Variants in TMPRSS15 observed in about 807,000 individuals in gnomAD.
TMPRSS15 encodes the protein enteropeptidase.
A neutral mutation model predicts 125.3 loss-of-function variants in TMPRSS15; 128 were observed. The ratio of observed to expected loss-of-function variants is 1.02; its 90% CI spans 0.89 to 1.18. TMPRSS15 has a LOEUF of 1.18. Ranked by LOEUF, TMPRSS15 falls within the 50% of genes most tolerant of loss-of-function variation. The pLI is 0.00. For missense variants in TMPRSS15, 1,283 were observed against 1,212.7 expected (o/e 1.06, Z -0.86); for synonymous variants, 446 against 423.2 (o/e 1.05, Z -0.66).
At chr21:18,361,032 A>G (rs973679829) in intron 7 of TMPRSS15, among the ~76,000 whole-genome samples, 1 of 152,158 alleles carries the variant, frequency 6.6e-6, no homozygotes, top group Non-Finnish European at 1.5e-5. Context: ...TCATTCCTGT[A>G]TTATCTAATA....
chr21:18,279,230 C>T (rs2074660388), intron 22 of TMPRSS15, among the ~76,000 whole-genome samples, 171 bp from the exon 23 acceptor site: 1 of 147,058 alleles, frequency 6.8e-6, no homozygotes, highest in African/African-American at 2.5e-5. Context: ...GGGAAATAGG[C>T]ATTTCAGAGC....
At chr21:18,387,174 G>T (rs2075951062) in intron 3 of TMPRSS15, among the ~76,000 whole-genome samples, 1 of 152,042 alleles carries the variant, frequency 6.6e-6, no homozygotes, top group South Asian at 2.1e-4. Flanking sequence ...TCATAAGAAA[G>T]CTGAAGCTGT....
chr21:18,308,046 G>A (rs7281437), intron 18 of TMPRSS15, among the ~76,000 whole-genome samples: 136,208 of 152,190 alleles, frequency 0.89, 61,021 homozygotes, highest in East Asian at 1. Flanking sequence ...CAAGTCCCCA[G>A]TCTCCTTAGC....
intron 21 of TMPRSS15, among the ~76,000 whole-genome samples, chr21:18,290,111 TG>T (rs2074815881): frequency 6.6e-6 from 1 of 152,186 alleles, no homozygotes; most frequent in African/African-American, 2.4e-5. Flanking sequence ...CAATAGCTTG[TG>T]GATAATAGGA....
chr21:18,423,694 G>GC (rs2076197074), intron 1 of TMPRSS15, among the ~76,000 whole-genome samples: 1 of 150,318 alleles, frequency 6.7e-6, no homozygotes, highest in Non-Finnish European at 1.5e-5. Flanking sequence ...GGGATGACAG[G>GC]CCTGAGCCAC....
chr21:18,276,957 G>T (rs1412040616), intron 23 of TMPRSS15, among the ~76,000 whole-genome samples: 2 of 151,626 alleles, frequency 1.3e-5, no homozygotes, highest in African/African-American at 4.8e-5. Flanking sequence ...GTAGAGACGG[G>T]GTTTCACCAT....
intron 8 of TMPRSS15, among the ~76,000 whole-genome samples, chr21:18,354,247 C>T (rs2075602244): frequency 6.6e-6 from 1 of 151,680 alleles, no homozygotes; most frequent in South Asian, 2.1e-4. Context: ...TTTACTGTGT[C>T]CCACTCACAG....
intron 1 of TMPRSS15, among the ~76,000 whole-genome samples, chr21:18,415,958 G>T (rs996795451): frequency 6.6e-6 from 1 of 151,814 alleles, no homozygotes; most frequent in Non-Finnish European, 1.5e-5. Flanking sequence ...AAATATGCAG[G>T]ATACAAAATC....
chr21:18,278,230 G>A (rs1286328966), intron 23 of TMPRSS15, among the ~76,000 whole-genome samples: 1 of 152,096 alleles, frequency 6.6e-6, no homozygotes, highest in African/African-American at 2.4e-5. Flanking sequence ...GGCTTTTGAT[G>A]AGACTTTATC....
At chr21:18,405,809 T>A (rs1289902101), upstream of TMPRSS15, among the ~76,000 whole-genome samples, 1 of 152,148 alleles carries the variant, frequency 6.6e-6, no homozygotes, top group Non-Finnish European at 1.5e-5. Context: ...TAGAAGAATG[T>A]CTTTCTAATG....
In TMPRSS15 at chr21:18,297,775, T is replaced by C. The variant is rs2074923403; in HGVS notation, c.2220A>G (p.Lys740=). ...IFPTDGGPFV[K]LNTAPDGHLI... Reference sequence around the variant, plus strand: ...AGTGGCCATCAGGTGCTGTGTTTAATTTGACAAATGGTCCACCATCGGTAG... The same window carrying C: ...AGTGGCCATCAGGTGCTGTGTTTAACTTGACAAATGGTCCACCATCGGTAG... Residue 740 remains lysine, a synonymous_variant, in exon 19 of 25, where the codon AAA becomes AAG. Transcript: ENST00000284885. 6.2e-7 allele frequency: 1 copy of C among 1,613,756 alleles called. No homozygotes were observed. Among genetic ancestry groups the C allele is most frequent in the Non-Finnish European group, 8.5e-7 (1 of 1,179,820 alleles).
chr21:18,414,158 A>G (rs1319228200), intron 1 of TMPRSS15, among the ~76,000 whole-genome samples: 3 of 152,082 alleles, frequency 2.0e-5, no homozygotes, highest in Non-Finnish European at 2.9e-5. Context: ...AAATTCTTAC[A>G]ATTTAAGGTG....
chr21:18,454,951 C>T (rs1417642226), intron 1 of TMPRSS15, among the ~76,000 whole-genome samples: 2 of 152,072 alleles, frequency 1.3e-5, no homozygotes, highest in Non-Finnish European at 2.9e-5. Flanking sequence ...GTGTCCCCAC[C>T]CAAATCTCAT....
chr21:18,294,221 T>C (rs1291205294), intron 21 of TMPRSS15, 49 bp downstream of exon 21: 3 of 1,610,768 alleles, frequency 1.9e-6, no homozygotes, highest in Non-Finnish European at 2.5e-6. Context: ...CTTGGCAGTG[T>C]CTGCTGTGGT....
chr21:18,400,611 T>G (rs1245085831), intron 1 of TMPRSS15, among the ~76,000 whole-genome samples: 2 of 152,094 alleles, frequency 1.3e-5, no homozygotes, highest in Non-Finnish European at 2.9e-5. Context: ...AATTAAGACC[T>G]CAAACTATAA....
rs768026786 is a variant in TMPRSS15, at chr21:18,294,365, G to C, written c.2391C>G (p.Pro797=). The change falls in exon 21 of 25, where the codon CCC becomes CCG. Residue 797 remains proline, a synonymous_variant. Coordinates refer to ENST00000284885, the MANE Select transcript of TMPRSS15 (RefSeq NM_002772.3). ...CGCCATAATACAGACCCACAACCCA[G>C]GGCCAGGCCCCTTCTTTGGCATTAC... is the stretch of plus-strand genomic sequence containing the variant. ...GGSNAKEGAW[P]WVVGLYYGGR... 1.2e-6 allele frequency: 2 copies of C among 1,614,256 alleles called. No homozygotes were observed. Among genetic ancestry groups the C allele is most frequent in the Non-Finnish European group, 1.7e-6 (2 of 1,180,042 alleles).
Position 18,398,407 on chromosome 21 carries a change from T to C in TMPRSS15, c.146-78A>G, listed in dbSNP as rs983385798. On this transcript the variant is annotated intron_variant, in intron 1 of 24. Transcript: ENST00000284885. Reference sequence around the variant, plus strand: ...AAAATATGCACATTCTGTTAAGACATAGAAGTAAAGCTCTCGCCTGATGTG... The same window carrying C: ...AAAATATGCACATTCTGTTAAGACACAGAAGTAAAGCTCTCGCCTGATGTG... 2.0e-5 allele frequency: 30 copies of C among 1,491,110 alleles called. No homozygotes were observed. In the East Asian group the frequency reaches 6.3e-4, roughly 32 times the overall value. The allele number at this position is 1,491,110 out of a possible 1,614,324, so 92.4% of individuals were successfully genotyped here.
At chr21:18,308,812 A>G (rs1043581601) in intron 18 of TMPRSS15, among the ~76,000 whole-genome samples, 3 of 151,498 alleles carry the variant, frequency 2.0e-5, no homozygotes, top group Admixed American at 6.6e-5. Flanking sequence ...TCATTGTTCA[A>G]CTCCCACTTA....
intron 22 of TMPRSS15, 121 bp from the exon 23 acceptor site, chr21:18,279,180 T>G: frequency 1.5e-6 from 1 of 652,486 alleles, no homozygotes; most frequent in Non-Finnish European, 2.7e-6. Flanking sequence ...GTATTTTTTT[T>G]TTTAATCCTA....
Sources: gnomAD v4.1 joint callset for allele counts (sites outside exome capture counted in the v4.1 genomes callset) on GRCh38, gnomAD v4.1.1 for gene constraint, MANE v1.5 for transcripts, NCBI Gene and HGNC (gene_info 2026-07-23, HGNC 2026-07-21) for gene names.